SLC37A2: variants seen among roughly 807,000 people sequenced by gnomAD.
The protein encoded by SLC37A2 is glucose-6-phosphate exchanger SLC37A2.
Under a neutral mutation model 70.7 loss-of-function variants are expected in SLC37A2, and 59 were observed. The ratio of observed to expected loss-of-function variants is 0.83; its 90% CI spans 0.68 to 1.04. The LOEUF (loss-of-function observed/expected upper bound fraction) is 1.04, where lower values mean the gene tolerates loss of function less well. SLC37A2 is among the 50% of genes least tolerant of loss of function. The pLI is 0.00. For synonymous variants in SLC37A2, 257 were observed against 262.1 expected (o/e 0.98, Z 0.19); for missense variants, 580 against 658.1 (o/e 0.88, Z 1.30).
intron 1 of SLC37A2, among the ~76,000 whole-genome samples, chr11:125,072,194 G>A (rs556420323): frequency 6.6e-6 from 1 of 152,120 alleles, no homozygotes; most frequent in Admixed American, 6.5e-5. Flanking sequence ...CACTGCTTTG[G>A]GACATGCCAT....
At chr11:125,064,333 T>TC (rs1025341413) in intron 1 of SLC37A2, among the ~76,000 whole-genome samples, 4 of 150,470 alleles carry the variant, frequency 2.7e-5, no homozygotes, top group African/African-American at 9.8e-5. Flanking sequence ...ACCCCTCCAT[T>TC]CCCCCCTCAC....
At position 125,086,064 on chromosome 11, in the gene SLC37A2, CGTGGG is replaced by C. The variant is rs1949211848; in HGVS notation, c.1490+47_1490+51del. On this transcript the variant is annotated intron_variant, in intron 17 of 17. Transcript: ENST00000403796. ...CTGCCCCTCTACCAACCTCATTTCT[CGTGGG>C]AATCAGCCCAGCGCTCAGTTTCTCC... is the stretch of plus-strand genomic sequence containing the variant. 2.5e-6 allele frequency: 4 copies of C among 1,591,226 alleles called. No individual in the cohort carries two copies. In the African/African-American group the frequency reaches 5.4e-5, roughly 21 times the overall value.
At chr11:125,075,464 C>A (rs1056386177) in intron 1 of SLC37A2, among the ~76,000 whole-genome samples, 1 of 152,182 alleles carries the variant, frequency 6.6e-6, no homozygotes, top group Non-Finnish European at 1.5e-5. Flanking sequence ...CTTTGGGAAC[C>A]GGTGGCCAGA....
In SLC37A2 at chr11:125,083,513, G is replaced by C. The variant is rs1949171475; in HGVS notation, c.977-302G>C. Reference sequence around the variant, plus strand: ...GCTTCAGGTTGCGCTCCAGGGGAAAGGTGGCCACGGGACAGCAGGCTCGGG... The same window carrying C: ...GCTTCAGGTTGCGCTCCAGGGGAAACGTGGCCACGGGACAGCAGGCTCGGG... On this transcript the variant is annotated intron_variant, in intron 10 of 17. Transcript: ENST00000403796. This position sits in a 1 kb window ranked among gnomAD's most constrained non-coding sequence, Gnocchi z 4.6. The C allele has an allele frequency of 3.0e-6, 1 of 336,832 alleles. No individual in the cohort carries two copies. 20.9% of individuals were successfully genotyped at this position (336,832 alleles called of 1,614,324 possible).
At chr11:125,086,900 C>T (rs944691426) in intron 17 of SLC37A2, 1 of 160,026 alleles carries the variant, frequency 6.2e-6, no homozygotes, top group African/African-American at 2.4e-5. Context: ...ACCCCCGGGA[C>T]ATGGTAACCA....
At position 125,063,380 on chromosome 11, in the gene SLC37A2, C is replaced by G. The variant is rs766812330; in HGVS notation, c.13C>G (p.Leu5Val). The change falls in exon 1 of 18, where the codon CTG (leucine) becomes GTG (valine). Residue 5 changes from leucine (L) to valine (V), a missense_variant. Leu to Val is a conservative substitution (Grantham distance 32, BLOSUM62 1). Coordinates refer to ENST00000403796, the MANE Select transcript of SLC37A2 (RefSeq NM_001145290.2). The surrounding 1 kb of genome is among the most constrained non-coding windows in gnomAD (Gnocchi z 5.4). Reference sequence around the variant, plus strand: ...CCGGTCAGGCAAAATGCGGTCCTCCCTGGCTCCGGGAGTCTGGTTCTTCCG... The same window carrying G: ...CCGGTCAGGCAAAATGCGGTCCTCCGTGGCTCCGGGAGTCTGGTTCTTCCG... Reference protein sequence around the residue: MRSSLAPGVWFFRAF... With the variant: MRSSVAPGVWFFRAF... 2 of 1,612,020 alleles carry G rather than the reference C, an allele frequency of 1.2e-6. No homozygotes were observed. The highest frequency in any genetic ancestry group is 1.7e-6 in the Non-Finnish European group (2 of 1,179,232).
intron 1 of SLC37A2, among the ~76,000 whole-genome samples, chr11:125,071,360 A>G (rs539717298): frequency 6.6e-6 from 1 of 152,058 alleles, no homozygotes; most frequent in Admixed American, 6.5e-5. Flanking sequence ...AGCCCCACCA[A>G]CACTCCCACC....
intron 17 of SLC37A2, 122 bp from the exon 18 acceptor site, chr11:125,087,997 G>T: frequency 9.3e-7 from 1 of 1,079,618 alleles, no homozygotes; most frequent in South Asian, 1.4e-5. Context: ...CCTCATTACA[G>T]AGAACTGAGA....
intron 17 of SLC37A2, 98 bp from the exon 18 acceptor site, chr11:125,088,021 G>T (rs1949241564): frequency 7.4e-7 from 1 of 1,349,122 alleles, no homozygotes; most frequent in African/African-American, 1.5e-5. Flanking sequence ...AAGCAATGAT[G>T]AAGGGACCCT....
At position 125,083,952 on chromosome 11, in the gene SLC37A2, T is replaced by C; in HGVS notation, c.1039+75T>C. The C allele has an allele frequency of 7.0e-7, 1 of 1,432,408 alleles. No homozygotes were observed. The highest frequency in any genetic ancestry group is 9.8e-7 in the Non-Finnish European group (1 of 1,018,138). The allele number at this position is 1,432,408 out of a possible 1,614,324, so 88.7% of individuals were successfully genotyped here. A position where few individuals can be genotyped will look rare whatever the true frequency, so the allele number is the denominator to read the frequency against. On this transcript the variant is annotated intron_variant, in intron 11 of 17. Transcript: ENST00000403796. The surrounding 1 kb of genome is among the most constrained non-coding windows in gnomAD (Gnocchi z 4.6). ...GTGGGGTGCAGGAAGAAGGGACAGG[T>C]CCGATGGGCTATGACCTGGGTAGGT...
intron 1 of SLC37A2, among the ~76,000 whole-genome samples, chr11:125,072,540 G>A (rs1303174597): frequency 6.6e-6 from 1 of 152,220 alleles, no homozygotes; most frequent in Non-Finnish European, 1.5e-5. Flanking sequence ...CCCCGTCACA[G>A]CCACCCTGGG....
chr11:125,066,627 AAC>A (rs1475476659), intron 1 of SLC37A2, among the ~76,000 whole-genome samples: 1 of 152,232 alleles, frequency 6.6e-6, no homozygotes, highest in Non-Finnish European at 1.5e-5. Context: ...TGGTGTGCAA[AAC>A]AAAAAGATGT....
rs138434263 is a variant in SLC37A2 at position 125,084,274 on chromosome 11, C to T, written c.1080C>T (p.Gly360=). Residue 360 remains glycine (G), a synonymous_variant, in exon 12 of 18, where the codon GGC becomes GGT. Coordinates refer to ENST00000403796, the MANE Select transcript of SLC37A2 (RefSeq NM_001145290.2). ...GGCTCGTCTCTGACTACACCAATGGCAGGGCCACCACTTGCTGTGTCATGC... is the reference window on the plus strand; with the variant it reads ...GGCTCGTCTCTGACTACACCAATGGTAGGGCCACCACTTGCTGTGTCATGC... ...VAGLVSDYTN[G]RATTCCVMLI... is the part of the protein sequence containing the mutation. The T allele has an allele frequency of 1.2e-4, 199 of 1,614,116 alleles. 1 individual carries two copies. The Middle Eastern group carries it at 4.4e-3, about 36-fold the overall frequency.
chr11:125,079,688 G>A lies in SLC37A2; in HGVS notation c.455G>A (p.Cys152Tyr). The part of the protein sequence containing the change: ...ELWYFVVIQV[C>Y]NGLVQTTGWP... ...CTCCCTTCTCTCTCCCTGCAGGTCTGTAATGGACTCGTCCAGACCACAGGC... is the reference window on the plus strand; with the variant it reads ...CTCCCTTCTCTCTCCCTGCAGGTCTATAATGGACTCGTCCAGACCACAGGC... The change falls in exon 6 of 18, where the codon TGT becomes TAT. Residue 152 changes from cysteine (C) to tyrosine (Y), a missense_variant. Coordinates refer to ENST00000403796, the MANE Select transcript of SLC37A2 (RefSeq NM_001145290.2). 2 of 1,601,448 alleles carry A rather than the reference G, an allele frequency of 1.2e-6. No individual in the cohort carries two copies. The highest frequency in any genetic ancestry group is 1.7e-6 in the Non-Finnish European group (2 of 1,173,642).
At position 125,080,632 on chromosome 11, in the gene SLC37A2, C is replaced by A; in HGVS notation, c.546C>A (p.Gly182=). ...FGKGKRGFIM[G]IWNSHTSVGN... The stretch of plus-strand genomic sequence containing the variant: ...CTTCCAGGCGGGGGTTCATCATGGG[C>A]ATCTGGAATTCCCACACATCTGTGG... Residue 182 remains glycine, a synonymous_variant, in exon 7 of 18, where the codon GGC becomes GGA. Coordinates refer to ENST00000403796, the MANE Select transcript of SLC37A2 (RefSeq NM_001145290.2). This position sits in a 1 kb window ranked among gnomAD's most constrained non-coding sequence, Gnocchi z 4.3. 1 of 1,517,740 alleles carries A rather than the reference C, an allele frequency of 6.6e-7. No individual in the cohort carries two copies. Among genetic ancestry groups the A allele is most frequent in the South Asian group, 1.3e-5 (1 of 77,788 alleles). 94.0% of individuals were successfully genotyped at this position (1,517,740 alleles called of 1,614,324 possible).
At chr11:125,077,606 A>C (rs1462859570) in intron 4 of SLC37A2, 78 bp downstream of exon 4, 15 of 1,147,850 alleles carry the variant, frequency 1.3e-5, no homozygotes, top group Non-Finnish European at 3.8e-6. Context: ...ACCTGGGGGC[A>C]GCTGGGAATG....
intron 1 of SLC37A2, among the ~76,000 whole-genome samples, chr11:125,069,458 C>T (rs1043037575): frequency 5.3e-5 from 8 of 152,224 alleles, no homozygotes; most frequent in Non-Finnish European, 8.8e-5. Flanking sequence ...ACCTATATCA[C>T]GGGGTTTTGG....
intron 1 of SLC37A2, among the ~76,000 whole-genome samples, chr11:125,068,320 A>G (rs1591626485): frequency 6.6e-6 from 1 of 152,180 alleles, no homozygotes; most frequent in Non-Finnish European, 1.5e-5. Flanking sequence ...TGGCTGCTGG[A>G]GGGTACTCAA....
chr11:125,073,933 C>T (rs150489173), intron 1 of SLC37A2, among the ~76,000 whole-genome samples: 97 of 152,322 alleles, frequency 6.4e-4, no homozygotes, highest in African/African-American at 2.1e-3. Context: ...CTGGGAACTC[C>T]CGCTCTCTTC....
Sources: gnomAD v4.1 joint callset for allele counts (sites outside exome capture counted in the v4.1 genomes callset) on GRCh38, gnomAD v4.1.1 for gene constraint, Gnocchi (gnomAD v3.1) non-coding constraint, MANE v1.5 for transcripts, NCBI Gene and HGNC (gene_info 2026-07-23, HGNC 2026-07-21) for gene names.